OXNAD1: variants seen among roughly 807,000 people sequenced by gnomAD.
OXNAD1 encodes oxidoreductase NAD-binding domain-containing protein 1.
A neutral mutation model predicts 32.9 loss-of-function variants in OXNAD1; 34 were observed. The ratio of observed to expected loss-of-function variants is 1.03; its 90% CI spans 0.79 to 1.38. The LOEUF is 1.38. Among genes scored for constraint, OXNAD1 ranks in the 40% most tolerant of loss-of-function variants. The probability of loss-of-function intolerance (pLI) is 0.00; values close to 1 mark genes in which losing one functional copy is unlikely to be tolerated. For missense variants in OXNAD1, 407 were observed against 379.4 expected (o/e 1.07, Z -0.60); for synonymous variants, 134 against 135.2 (o/e 0.99, Z 0.06).
intron 9 of OXNAD1, among the ~76,000 whole-genome samples, chr3:16,331,481 A>T (rs534451870): frequency 6.6e-6 from 1 of 152,278 alleles, no homozygotes; most frequent in Admixed American, 6.5e-5. Context: ...ATGCACTATG[A>T]CCATGCCTTC....
Position 16,294,890 on chromosome 3 carries a change from G to T in OXNAD1, c.325G>T (p.Gly109Cys), listed in dbSNP as rs1404460199. ...CTTTATTCCAGGAGTCTCTGTGGTT[G>T]GTGGGTTTTCAATATGCTCCAGTCC... ...DFFIPGVSVV[G>C]GFSICSSPRL... Residue 109 changes from glycine (G) to cysteine (C), a missense_variant, in exon 6 of 9, where the codon GGT becomes TGT. Gly to Cys is a radical substitution (Grantham distance 159). Transcript: ENST00000285083. The T allele has an allele frequency of 1.2e-6, 2 of 1,611,870 alleles. No individual in the cohort carries two copies. Among genetic ancestry groups the T allele is most frequent in the East Asian group, 4.5e-5 (2 of 44,748 alleles).
intron 5 of OXNAD1, among the ~76,000 whole-genome samples, chr3:16,291,227 G>C (rs369002054): frequency 6.6e-6 from 1 of 152,070 alleles, no homozygotes; most frequent in Non-Finnish European, 1.5e-5. Flanking sequence ...TGCTTTTCTT[G>C]ACCCTTTTTT....
rs952404384 is a variant in OXNAD1 at position 16,346,107 on chromosome 3, C to T, written c.*31-3069C>T. ...AAGGTTCCTATGATTTAGGGTCTTC[C>T]AGCACCCCTCAGGAAGCTTGACAAT... On this transcript the variant is annotated intron_variant, in intron 9 of 9. Transcript: ENST00000606098. This position sits in a 1 kb window ranked among gnomAD's most constrained non-coding sequence, Gnocchi z 4.4. 1 of 152,100 alleles carries T rather than the reference C, an allele frequency of 6.6e-6. No individual in the cohort carries two copies. The highest frequency in any genetic ancestry group is 2.4e-5 in the African/African-American group (1 of 41,426). 9.4% of individuals were successfully genotyped at this position (152,100 alleles called of 1,614,324 possible).
rs979180684 is a variant in OXNAD1, at chr3:16,305,888, C to T, written c.*2326C>T. On this transcript the variant is annotated 3_prime_UTR_variant, in exon 9 of 9. Transcript: ENST00000285083. This position sits in a 1 kb window ranked among gnomAD's most constrained non-coding sequence, Gnocchi z 4.5. ...GCAGAGCACTGCATGAGTGTGTTGT[C>T]GTTATTAATTTGCTATTCCTTGTCC... The T allele has an allele frequency of 2.0e-5, 3 of 152,024 alleles. No homozygotes were observed. The highest frequency in any genetic ancestry group is 2.9e-5 in the Non-Finnish European group (2 of 67,998). The allele number at this position is 152,024 out of a possible 1,614,324, so 9.4% of individuals were successfully genotyped here. A position where few individuals can be genotyped will look rare whatever the true frequency, so the allele number is the denominator to read the frequency against.
At position 16,305,743 on chromosome 3, in the gene OXNAD1, C is replaced by T. The variant is rs928723359; in HGVS notation, c.*2181C>T. ...ACCTTGAGCAAGTCACTTAACTGCTCTATGCCTCATTTAAAATTACATACA... is the reference window on the plus strand; with the variant it reads ...ACCTTGAGCAAGTCACTTAACTGCTTTATGCCTCATTTAAAATTACATACA... On this transcript the variant is annotated 3_prime_UTR_variant, in exon 9 of 9. Transcript: ENST00000285083. This position sits in a 1 kb window ranked among gnomAD's most constrained non-coding sequence, Gnocchi z 4.5. 3.9e-5 allele frequency: 6 copies of T among 152,198 alleles called. No homozygotes were observed. The highest frequency in any genetic ancestry group is 6.5e-5 in the Admixed American group (1 of 15,288). The allele number at this position is 152,198 out of a possible 1,614,324, so 9.4% of individuals were successfully genotyped here.
chr3:16,294,488 CG>C (rs1233998396), intron 5 of OXNAD1, among the ~76,000 whole-genome samples: 1 of 152,188 alleles, frequency 6.6e-6, no homozygotes, highest in Non-Finnish European at 1.5e-5. Context: ...GGATTACAGG[CG>C]TGAGCCACTG....
In OXNAD1 at chr3:16,327,683, C is replaced by G. The variant is rs2069853076; in HGVS notation, c.*31-9429C>G. Among the ~76,000 whole-genome samples the G allele has an allele frequency of 6.6e-6, 1 of 152,050 alleles. No homozygotes were observed. On this transcript the variant is annotated intron_variant, in intron 9 of 9. Coordinates refer to the OXNAD1 transcript ENST00000435829. This position sits in a 1 kb window ranked among gnomAD's most constrained non-coding sequence, Gnocchi z 4.2. The stretch of plus-strand genomic sequence containing the variant: ...GGCTGAGGCAGGAGAATGGCGTGAA[C>G]CCGGGAGGTGGAGCTTGCAGTGAGC...
intron 4 of OXNAD1, chr3:16,275,595 A>T (rs573452525): frequency 6.3e-6 from 1 of 158,514 alleles, no homozygotes; most frequent in South Asian, 1.9e-4. Flanking sequence ...AAAGAAAAGA[A>T]TCTTCCATAG....
intron 9 of OXNAD1, among the ~76,000 whole-genome samples, chr3:16,315,361 C>G (rs1176822217): frequency 6.6e-6 from 1 of 152,206 alleles, no homozygotes; most frequent in Non-Finnish European, 1.5e-5. Context: ...GGTGATCAGC[C>G]TGCCTCAGCC....
In OXNAD1 at chr3:16,271,740, A is replaced by C. The variant is rs1483632889; in HGVS notation, c.183+18A>C. 6.2e-7 allele frequency: 1 copy of C among 1,600,204 alleles called. No individual in the cohort carries two copies. Among genetic ancestry groups the C allele is most frequent in the African/African-American group, 1.4e-5 (1 of 73,848 alleles). On this transcript the variant is annotated intron_variant, in intron 4 of 8. Transcript: ENST00000285083. This position sits in a 1 kb window ranked among gnomAD's most constrained non-coding sequence, Gnocchi z 4.6. ...GACGGGAGGTTTGTATCTTTGGGGT[A>C]TGACAGGTTTTTCCAGCTAGACCGT...
chr3:16,313,703 T>TAC (rs2068130808), intron 9 of OXNAD1: 1 of 152,148 alleles, frequency 6.6e-6, no homozygotes, highest in African/African-American at 2.4e-5. Flanking sequence ...CTGAGGAGGT[T>TAC]ACACATGTAG....
downstream of OXNAD1, among the ~76,000 whole-genome samples, chr3:16,308,967 TTAAA>T (rs1472634707): frequency 6.6e-6 from 1 of 151,716 alleles, no homozygotes; most frequent in African/African-American, 2.4e-5. The surrounding 1 kb of genome is among the most constrained non-coding windows in gnomAD (Gnocchi z 4.4). Flanking sequence ...ACCACAAATA[TTAAA>T]TAAAATTATA....
chr3:16,303,751 C>T lies in OXNAD1; in HGVS notation c.*189C>T, dbSNP rs2067351482. On this transcript the variant is annotated 3_prime_UTR_variant, in exon 9 of 9. Coordinates refer to ENST00000285083, the MANE Select transcript of OXNAD1 (RefSeq NM_138381.5). The surrounding 1 kb of genome is among the most constrained non-coding windows in gnomAD (Gnocchi z 4.8). ...AATGATAAACTTTTTGCAAAGACCTCAGTGATCAAACTATTTTTTACTATA... is the reference window on the plus strand; with the variant it reads ...AATGATAAACTTTTTGCAAAGACCTTAGTGATCAAACTATTTTTTACTATA... 2 of 526,350 alleles carry T rather than the reference C, an allele frequency of 3.8e-6. No homozygotes were observed. Among genetic ancestry groups the T allele is most frequent in the Non-Finnish European group, 6.4e-6 (2 of 311,568 alleles). 32.6% of individuals were successfully genotyped at this position (526,350 alleles called of 1,614,324 possible).
At chr3:16,286,654 C>G (rs372693924) in intron 5 of OXNAD1, among the ~76,000 whole-genome samples, 2 of 152,202 alleles carry the variant, frequency 1.3e-5, no homozygotes, top group Admixed American at 1.3e-4. Context: ...GAGCCCGTGG[C>G]TCCCTCAGTC....
intron 4 of OXNAD1, chr3:16,272,111 C>A (rs1222167320): frequency 2.4e-6 from 1 of 420,618 alleles, no homozygotes; most frequent in South Asian, 1.8e-5. Context: ...TTTTGCGTCA[C>A]ATCTCAAAGT....
chr3:16,279,875 A>G (rs1386652046), intron 4 of OXNAD1, among the ~76,000 whole-genome samples: 3 of 152,178 alleles, frequency 2.0e-5, no homozygotes, highest in Non-Finnish European at 4.4e-5. Context: ...ACAGGACCAT[A>G]TGTAACTCTT....
Position 16,348,516 on chromosome 3 carries a change from C to G in OXNAD1, c.*31-660C>G, listed in dbSNP as rs764175942. On this transcript the variant is annotated intron_variant, in intron 9 of 9. Transcript: ENST00000606098. This position sits in a 1 kb window ranked among gnomAD's most constrained non-coding sequence, Gnocchi z 6.3. Reference sequence around the variant, plus strand: ...GCTGGAGCCCACTGTGTCCAGGAGGCCTTGTTCAGTCTCTGCTCTCTCCCA... The same window carrying G: ...GCTGGAGCCCACTGTGTCCAGGAGGGCTTGTTCAGTCTCTGCTCTCTCCCA... Among the ~76,000 whole-genome samples, 2 of 152,140 alleles carry G rather than the reference C, an allele frequency of 1.3e-5. No homozygotes were observed. The highest frequency in any genetic ancestry group is 2.9e-5 in the Non-Finnish European group (2 of 68,012).
chr3:16,286,566 T>C, intron 5 of OXNAD1, 118 bp downstream of exon 5: 1 of 782,424 alleles, frequency 1.3e-6, no homozygotes, highest in Non-Finnish European at 2.1e-6. Flanking sequence ...GAATTCTAAA[T>C]CATATCTGCT....
chr3:16,285,128 G>A (rs2065984136), intron 4 of OXNAD1, among the ~76,000 whole-genome samples: 1 of 152,276 alleles, frequency 6.6e-6, no homozygotes, highest in East Asian at 1.9e-4. Flanking sequence ...GAAAGGTTAG[G>A]TATTTTGCAG....
Sources: gnomAD v4.1 joint callset for allele counts (sites outside exome capture counted in the v4.1 genomes callset) on GRCh38, gnomAD v4.1.1 for gene constraint, Gnocchi (gnomAD v3.1) non-coding constraint, MANE v1.5 for transcripts, NCBI Gene and HGNC (gene_info 2026-07-23, HGNC 2026-07-21) for gene names.